The following DENND5B variants were observed in gnomAD, a reference collection of about 807,000 sequenced individuals.
DENND5B encodes the protein DENN domain-containing protein 5B.
In DENND5B, 34 loss-of-function variants were observed where a neutral mutation model predicts 140.6. The observed-to-expected ratio is 0.24, with a 90% CI of 0.18 to 0.32. The LOEUF (loss-of-function observed/expected upper bound fraction) is 0.32, where lower values mean the gene tolerates loss of function less well. Ranked by LOEUF, DENND5B falls within the 10% of genes least tolerant of loss-of-function variation. The pLI is 1.00. For missense variants in DENND5B, 1,142 were observed against 1,560.2 expected (o/e 0.73, Z 4.52); for synonymous variants, 551 against 562.1 (o/e 0.98, Z 0.28).
At chr12:31,526,623 A>G (rs1293002812) in intron 1 of DENND5B, among the ~76,000 whole-genome samples, 1 of 152,248 alleles carries the variant, frequency 6.6e-6, no homozygotes, top group African/African-American at 2.4e-5. Flanking sequence ...CTAAAGAGAC[A>G]TAACTAAATG....
intron 2 of DENND5B, among the ~76,000 whole-genome samples, chr12:31,482,378 C>A (rs1565624549): frequency 6.6e-6 from 1 of 152,180 alleles, no homozygotes; most frequent in Non-Finnish European, 1.5e-5. Flanking sequence ...AACTGAAGTT[C>A]TGATTTCTTC....
intron 2 of DENND5B, among the ~76,000 whole-genome samples, chr12:31,490,626 T>C (rs912341158): frequency 7.3e-6 from 1 of 137,184 alleles, no homozygotes; most frequent in African/African-American, 2.8e-5. Flanking sequence ...AAAAAAAAAA[T>C]TTTATTGTGA....
chr12:31,511,973 G>A (rs150625695), intron 1 of DENND5B, among the ~76,000 whole-genome samples: 2 of 121,610 alleles, frequency 1.6e-5, no homozygotes, highest in African/African-American at 6.7e-5. Context: ...GCCTAGGTTG[G>A]AGTGCAGTGC....
At chr12:31,446,786 T>C (rs1944293369) in intron 6 of DENND5B, among the ~76,000 whole-genome samples, 1 of 150,004 alleles carries the variant, frequency 6.7e-6, no homozygotes, top group African/African-American at 2.5e-5. Context: ...TCCCAGCTAC[T>C]CGGGGCAGGA....
intron 2 of DENND5B, among the ~76,000 whole-genome samples, chr12:31,488,372 G>A (rs1006014021): frequency 3.9e-5 from 6 of 152,148 alleles, no homozygotes; most frequent in African/African-American, 1.2e-4. Flanking sequence ...AGGCGTTCCT[G>A]TCATCCTAAA....
In DENND5B at chr12:31,413,251, C is replaced by T. The variant is rs1490014087; in HGVS notation, c.2681+185G>A. On this transcript the variant is annotated intron_variant, in intron 13 of 20. Coordinates refer to ENST00000389082, the MANE Select transcript of DENND5B (RefSeq NM_144973.4). ...CCTTTGGCTGTTAAATTTGGTGTGT[C>T]CCCCCAAAACGATCAAGTATTACAT... Among the ~76,000 whole-genome samples, 3 of 152,118 alleles carry T rather than the reference C, an allele frequency of 2.0e-5. No individual in the cohort carries two copies. The East Asian group carries it at 5.8e-4, about 29-fold the overall frequency.
chr12:31,541,041 T>TG (rs1948667732), intron 1 of DENND5B: 1 of 385,076 alleles, frequency 2.6e-6, no homozygotes, highest in South Asian at 2.0e-5. Flanking sequence ...TCTTACCATA[T>TG]AAAAAAAAAA....
chr12:31,541,924 T>C (rs1427958536), intron 1 of DENND5B, among the ~76,000 whole-genome samples: 1 of 151,900 alleles, frequency 6.6e-6, no homozygotes, highest in Non-Finnish European at 1.5e-5. Flanking sequence ...GAAGTCATTA[T>C]GTTAAGTGAA....
intron 5 of DENND5B, 110 bp downstream of exon 5, chr12:31,451,830 T>A (rs1944539270): frequency 7.6e-7 from 1 of 1,315,302 alleles, no homozygotes; most frequent in South Asian, 1.5e-5. Flanking sequence ...GTTAACAAAA[T>A]CAATAATATA....
intron 1 of DENND5B, among the ~76,000 whole-genome samples, chr12:31,578,126 CAAAAAAA>C (rs5797421): frequency 3.9e-5 from 3 of 77,356 alleles, no homozygotes; most frequent in Non-Finnish European, 7.2e-5. Context: ...GACGCTGTCT[CAAAAAAA>C]AAAAAAAAAA....
At chr12:31,495,731 T>C in intron 2 of DENND5B, 79 bp downstream of exon 2, 1 of 1,094,248 alleles carries the variant, frequency 9.1e-7, no homozygotes, top group Non-Finnish European at 1.3e-6. Context: ...AGGTAGACAT[T>C]CAAAATACAG....
Position 31,494,856 on chromosome 12 carries a change from A to G in DENND5B, c.237+954T>C, listed in dbSNP as rs79001697. Reference sequence around the variant, plus strand: ...TATTTAAACCTCAGAAAATTCTATAATGGGCTCTTGAGCTGCTTGCTCGGG... The same window carrying G: ...TATTTAAACCTCAGAAAATTCTATAGTGGGCTCTTGAGCTGCTTGCTCGGG... On this transcript the variant is annotated intron_variant, in intron 2 of 20. Coordinates refer to ENST00000389082, the MANE Select transcript of DENND5B (RefSeq NM_144973.4). Among the ~76,000 whole-genome samples, 633 of 152,310 alleles carry G rather than the reference A, an allele frequency of 4.2e-3. 5 individuals are homozygous for G. The highest frequency in any genetic ancestry group is 0.014 in the African/African-American group (577 of 41,580).
chr12:31,568,324 C>T (rs922718574), intron 1 of DENND5B, among the ~76,000 whole-genome samples: 3 of 152,126 alleles, frequency 2.0e-5, no homozygotes, highest in African/African-American at 7.2e-5. Flanking sequence ...TCTGAAAAAA[C>T]ACAAAATCCT....
At chr12:31,586,272 G>C (rs969992117) in intron 1 of DENND5B, among the ~76,000 whole-genome samples, 7 of 152,122 alleles carry the variant, frequency 4.6e-5, no homozygotes, top group African/African-American at 1.7e-4. Context: ...ATGCAATAAA[G>C]AATCTCGTTT....
At chr12:31,588,129 C>T (rs910522514) in intron 1 of DENND5B, among the ~76,000 whole-genome samples, 10 of 152,174 alleles carry the variant, frequency 6.6e-5, no homozygotes, top group African/African-American at 2.4e-4. Context: ...CTGTTACCAG[C>T]ACAAACTAGT....
chr12:31,398,396 ATTTTTTT>A, intron 16 of DENND5B, 34 bp from the exon 17 acceptor site: 1 of 1,516,620 alleles, frequency 6.6e-7, no homozygotes, highest in Non-Finnish European at 8.8e-7. Flanking sequence ...TTTATTTTTT[ATTTTTTT>A]GAGACAGGGT....
At chr12:31,472,582 GCACCC>G in intron 3 of DENND5B, among the ~76,000 whole-genome samples, 1 of 152,182 alleles carries the variant, frequency 6.6e-6, no homozygotes, top group Non-Finnish European at 1.5e-5. Context: ...ATGAGCCACG[GCACCC>G]AGCCTGAAAT....
At chr12:31,587,541 T>C (rs1376428217) in intron 1 of DENND5B, among the ~76,000 whole-genome samples, 1 of 102,130 alleles carries the variant, frequency 9.8e-6, no homozygotes, top group Non-Finnish European at 1.9e-5. Context: ...TTTTTTTTTT[T>C]TTTTTTTTTT....
At chr12:31,440,074 A>C (rs1943967017) in intron 7 of DENND5B, among the ~76,000 whole-genome samples, 1 of 152,156 alleles carries the variant, frequency 6.6e-6, no homozygotes, top group Non-Finnish European at 1.5e-5. Flanking sequence ...TTCTTATGGA[A>C]AATTCTCTTA....
Sources: allele counts gnomAD v4.1 joint callset (sites outside exome capture counted in the v4.1 genomes callset), GRCh38; gene constraint gnomAD v4.1.1; transcripts MANE v1.5; gene names NCBI Gene and HGNC (gene_info 2026-07-23, HGNC 2026-07-21).